CNTLN: variants seen among roughly 807,000 people sequenced by gnomAD.
CNTLN encodes the protein centlein, centrosomal protein.
In CNTLN, 212 loss-of-function variants were observed where a neutral mutation model predicts 180.0. That is an observed-to-expected ratio of 1.18 (90% CI 1.05 to 1.32). The LOEUF is 1.32. Among genes scored for constraint, CNTLN ranks in the 40% most tolerant of loss-of-function variants. The pLI, the probability that CNTLN is intolerant of heterozygous loss-of-function variation, is 0.00. For synonymous variants in CNTLN, 722 were observed against 563.1 expected (o/e 1.28, Z -3.99); for missense variants, 2,095 against 1,610.9 (o/e 1.30, Z -5.14).
chr9:17,272,616 T>C (rs1414766219), intron 5 of CNTLN, among the ~76,000 whole-genome samples: 1 of 152,216 alleles, frequency 6.6e-6, no homozygotes, highest in Non-Finnish European at 1.5e-5. Context: ...AGATTGAATC[T>C]TGAGATGAGC....
chr9:17,170,858 G>T (rs958190806), intron 2 of CNTLN, among the ~76,000 whole-genome samples: 3 of 151,726 alleles, frequency 2.0e-5, no homozygotes, highest in Non-Finnish European at 2.9e-5. Flanking sequence ...TATTTTTACT[G>T]TACTTTTTCT....
At chr9:17,409,054 G>A (rs922190105) in intron 15 of CNTLN, among the ~76,000 whole-genome samples, 14 of 152,086 alleles carry the variant, frequency 9.2e-5, no homozygotes, top group South Asian at 2.1e-4. Flanking sequence ...AAGTACTATC[G>A]AAATGATGTT....
intron 18 of CNTLN, among the ~76,000 whole-genome samples, chr9:17,449,663 C>T (rs1830674844): frequency 6.6e-6 from 1 of 152,150 alleles, no homozygotes; most frequent in South Asian, 2.1e-4. Context: ...CTAAATTTCA[C>T]ATATAACGTG....
chr9:17,336,197 T>C (rs1199967809), intron 10 of CNTLN, among the ~76,000 whole-genome samples: 1 of 152,194 alleles, frequency 6.6e-6, no homozygotes, highest in Non-Finnish European at 1.5e-5. Context: ...CTTTGCTTAC[T>C]ATTTGTCAAA....
At chr9:17,500,293 T>C (rs1022719484) in intron 25 of CNTLN, among the ~76,000 whole-genome samples, 1 of 152,162 alleles carries the variant, frequency 6.6e-6, no homozygotes, top group African/African-American at 2.4e-5. Flanking sequence ...CCATTCCACA[T>C]TGGAGGCTTT....
chr9:17,266,000 C>T (rs541780576), intron 5 of CNTLN, among the ~76,000 whole-genome samples: 46 of 152,210 alleles, frequency 3.0e-4, no homozygotes, highest in South Asian at 6.2e-4. Flanking sequence ...CTCCTGGATT[C>T]ATTAATTTTT....
intron 12 of CNTLN, among the ~76,000 whole-genome samples, chr9:17,366,208 C>T (rs1445256146): frequency 6.6e-6 from 1 of 152,110 alleles, no homozygotes; most frequent in South Asian, 2.1e-4. Flanking sequence ...TTACTGTAAC[C>T]TTGAAGTCTT....
intron 7 of CNTLN, chr9:17,301,594 A>T (rs1818357155): frequency 2.0e-6 from 2 of 984,396 alleles, no homozygotes; most frequent in Admixed American, 6.1e-5. Context: ...GTTGATTCTC[A>T]CTTTGAAATT....
At chr9:17,432,345 T>C (rs1194220117) in intron 18 of CNTLN, among the ~76,000 whole-genome samples, 1 of 152,094 alleles carries the variant, frequency 6.6e-6, no homozygotes, top group Non-Finnish European at 1.5e-5. Flanking sequence ...TGTTTAGAAG[T>C]GAAATCATAC....
At chr9:17,439,979 C>T (rs1432389652) in intron 18 of CNTLN, among the ~76,000 whole-genome samples, 3 of 152,042 alleles carry the variant, frequency 2.0e-5, no homozygotes, top group Non-Finnish European at 2.9e-5. Context: ...ATTATAGCAG[C>T]CCAAACTAAG....
intron 18 of CNTLN, among the ~76,000 whole-genome samples, chr9:17,445,236 T>C (rs1830336120): frequency 6.6e-6 from 1 of 152,124 alleles, no homozygotes; most frequent in African/African-American, 2.4e-5. Context: ...TTAGTACTGC[T>C]GCTGTTAAAT....
intron 6 of CNTLN, among the ~76,000 whole-genome samples, chr9:17,295,388 C>T (rs1231372398): frequency 6.6e-6 from 1 of 152,218 alleles, no homozygotes; most frequent in Non-Finnish European, 1.5e-5. Flanking sequence ...ACACTGGCAC[C>T]TCTCAGTAGG....
At chr9:17,302,572 A>G (rs1483246217) in intron 7 of CNTLN, among the ~76,000 whole-genome samples, 3 of 152,062 alleles carry the variant, frequency 2.0e-5, no homozygotes, top group Non-Finnish European at 4.4e-5. Context: ...TACGGGGGTC[A>G]TGGATTCTAA....
intron 7 of CNTLN, among the ~76,000 whole-genome samples, chr9:17,307,806 A>T (rs1019401772): frequency 6.6e-6 from 1 of 152,126 alleles, no homozygotes; most frequent in Admixed American, 6.5e-5. Flanking sequence ...ACAATCTTTT[A>T]TGTATGTAAG....
chr9:17,270,449 T>C (rs1827848937), intron 5 of CNTLN, among the ~76,000 whole-genome samples: 1 of 152,206 alleles, frequency 6.6e-6, no homozygotes, highest in Non-Finnish European at 1.5e-5. Context: ...TCCTTATATT[T>C]CTGGAACCAA....
At chr9:17,246,747 A>G (rs540928326) in intron 5 of CNTLN, among the ~76,000 whole-genome samples, 2 of 152,284 alleles carry the variant, frequency 1.3e-5, no homozygotes, top group South Asian at 4.1e-4. Context: ...GCTGGCAACC[A>G]AGCATCAATA....
chr9:17,212,258 G>A (rs142395765), intron 2 of CNTLN, among the ~76,000 whole-genome samples: 1 of 152,210 alleles, frequency 6.6e-6, no homozygotes, highest in East Asian at 1.9e-4. Flanking sequence ...AGAGTTTTTA[G>A]CATGAAGTGT....
At chr9:17,198,116 C>T (rs1255192766) in intron 2 of CNTLN, among the ~76,000 whole-genome samples, 1 of 151,928 alleles carries the variant, frequency 6.6e-6, no homozygotes, top group African/African-American at 2.4e-5. Context: ...TATGCTAGTG[C>T]CATGTTTTGG....
At chr9:17,231,877 C>T (rs1297338152) in intron 3 of CNTLN, among the ~76,000 whole-genome samples, 2 of 149,418 alleles carry the variant, frequency 1.3e-5, no homozygotes, top group Non-Finnish European at 3.0e-5. Context: ...ACTCTGTAGA[C>T]TTCTCTTGAC....
Sources: gnomAD v4.1 joint callset for allele counts (sites outside exome capture counted in the v4.1 genomes callset) on GRCh38, gnomAD v4.1.1 for gene constraint, MANE v1.5 for transcripts, NCBI Gene and HGNC (gene_info 2026-07-23, HGNC 2026-07-21) for gene names.